The following SLX4IP variants were observed in gnomAD, a reference collection of about 807,000 sequenced individuals.
SLX4IP encodes the protein protein SLX4IP.
A neutral mutation model predicts 32.9 loss-of-function variants in SLX4IP; 34 were observed. The ratio of observed to expected loss-of-function variants is 1.03; its 90% CI spans 0.79 to 1.38. The LOEUF (loss-of-function observed/expected upper bound fraction) is 1.38, where lower values mean the gene tolerates loss of function less well. SLX4IP is among the 40% of genes most tolerant of loss of function. SLX4IP has a pLI of 0.00. For synonymous variants in SLX4IP, 172 were observed against 171.7 expected, an observed-to-expected ratio of 1.00 and a Z score of -0.01; for missense variants, 444 against 479.0, an observed-to-expected ratio of 0.93 and a Z score of 0.68.
chr20:10,462,707 C>T (rs1820460855), intron 2 of SLX4IP, among the ~76,000 whole-genome samples: 1 of 152,116 alleles, frequency 6.6e-6, no homozygotes, highest in South Asian at 2.1e-4. Flanking sequence ...GATATGGGAT[C>T]CAGGAAATAG....
chr20:10,495,967 A>G (rs1231486386), intron 2 of SLX4IP, among the ~76,000 whole-genome samples: 3 of 150,190 alleles, frequency 2.0e-5, no homozygotes, highest in Non-Finnish European at 4.4e-5. Flanking sequence ...TTGCTTTTTC[A>G]GCCCTTTTTG....
intron 2 of SLX4IP, among the ~76,000 whole-genome samples, chr20:10,497,267 T>A (rs918137853): frequency 6.6e-6 from 1 of 152,186 alleles, no homozygotes; most frequent in African/African-American, 2.4e-5. Context: ...AAATTTTAGG[T>A]CAACAGATAT....
chr20:10,492,455 A>C (rs2065631933), intron 2 of SLX4IP, among the ~76,000 whole-genome samples: 1 of 151,868 alleles, frequency 6.6e-6, no homozygotes, highest in Admixed American at 6.6e-5. Flanking sequence ...CTTACTGTTT[A>C]TTTTTATTTC....
At chr20:10,495,672 A>G (rs2065661002) in intron 2 of SLX4IP, among the ~76,000 whole-genome samples, 1 of 152,162 alleles carries the variant, frequency 6.6e-6, no homozygotes, top group Admixed American at 6.5e-5. Flanking sequence ...GTTCATGATT[A>G]TTCTATCATC....
intron 4 of SLX4IP, among the ~76,000 whole-genome samples, chr20:10,598,164 G>A (rs1972287579): frequency 6.6e-6 from 1 of 152,064 alleles, no homozygotes; most frequent in African/African-American, 2.4e-5. Flanking sequence ...CAGGGACTAG[G>A]GACTATGCCA....
chr20:10,558,501 C>A (rs781612283), intron 3 of SLX4IP, among the ~76,000 whole-genome samples: 6 of 152,198 alleles, frequency 3.9e-5, no homozygotes, highest in Non-Finnish European at 8.8e-5. Context: ...TAGATCCTCT[C>A]ATGATTGGGA....
intron 2 of SLX4IP, among the ~76,000 whole-genome samples, chr20:10,474,766 CG>C (rs1568698269): frequency 6.6e-6 from 1 of 152,194 alleles, no homozygotes; most frequent in Non-Finnish European, 1.5e-5. Context: ...TCCATCTAAT[CG>C]GGGCTGCTGA....
At chr20:10,471,564 T>C (rs2065425314) in intron 2 of SLX4IP, among the ~76,000 whole-genome samples, 1 of 152,212 alleles carries the variant, frequency 6.6e-6, no homozygotes, top group Admixed American at 6.5e-5. Context: ...TACTTTGGGC[T>C]ACAGTGGCAG....
At chr20:10,495,469 G>C (rs1307633642) in intron 2 of SLX4IP, among the ~76,000 whole-genome samples, 1 of 152,044 alleles carries the variant, frequency 6.6e-6, no homozygotes, top group African/African-American at 2.4e-5. Context: ...AGAATTCGTA[G>C]TCCAGATTTA....
At chr20:10,619,217 C>CTTTTTTTTTTTTTTTTTTTTTTTTTTTTT (rs59741153) in intron 6 of SLX4IP, among the ~76,000 whole-genome samples, 4 of 126,642 alleles carry the variant, frequency 3.2e-5, no homozygotes, top group East Asian at 2.3e-4. Flanking sequence ...CTTTTTTTTT[C>CTTTTTTTTTTTTTTTTTTTTTTTTTTTTT]TTTTTTTTTT....
intron 2 of SLX4IP, among the ~76,000 whole-genome samples, chr20:10,535,366 A>T (rs1010711693): frequency 1.3e-5 from 2 of 152,092 alleles, no homozygotes; most frequent in African/African-American, 4.8e-5. Flanking sequence ...CTGTTGCCCA[A>T]GCTGGAGTGT....
intron 4 of SLX4IP, among the ~76,000 whole-genome samples, chr20:10,565,281 T>C (rs1601008685): frequency 6.6e-6 from 1 of 152,292 alleles, no homozygotes; most frequent in Non-Finnish European, 1.5e-5. Context: ...TGGGTCTGGC[T>C]CTTAAGCAGA....
At chr20:10,487,185 A>G (rs1392894900) in intron 2 of SLX4IP, among the ~76,000 whole-genome samples, 1 of 152,216 alleles carries the variant, frequency 6.6e-6, no homozygotes, top group East Asian at 1.9e-4. Flanking sequence ...AGTCCTGCTC[A>G]GCTCTTATTT....
chr20:10,558,724 G>C (rs1482082627), intron 3 of SLX4IP, among the ~76,000 whole-genome samples: 1 of 152,194 alleles, frequency 6.6e-6, no homozygotes, highest in Non-Finnish European at 1.5e-5. Context: ...CGTTAGCCTA[G>C]AGATGCCCTC....
chr20:10,508,561 C>T (rs2065778585), intron 2 of SLX4IP, among the ~76,000 whole-genome samples: 1 of 152,178 alleles, frequency 6.6e-6, no homozygotes, highest in African/African-American at 2.4e-5. Flanking sequence ...TTGTTCTTTT[C>T]AACAACAGTT....
At position 10,598,726 on chromosome 20, in the gene SLX4IP, G is replaced by A. The variant is rs771018924; in HGVS notation, c.290G>A (p.Arg97His). The A allele has an allele frequency of 5.0e-6, 8 of 1,613,952 alleles. No individual in the cohort carries two copies. In the African/African-American group the frequency reaches 5.3e-5, roughly 11 times the overall value. Residue 97 changes from arginine to histidine, a missense_variant, in exon 5 of 8, where the codon CGC becomes CAC. Arg to His is a conservative substitution (Grantham distance 29). Transcript: ENST00000334534. ...TTCCTCAAGAGAGGGATACGCCTTC[G>A]CTGCATCAGGAGCACACAGAATGCT... The part of the protein sequence containing the change: ...AYFLKRGIRL[R>H]CIRSTQNAEL...
intron 2 of SLX4IP, among the ~76,000 whole-genome samples, chr20:10,513,035 C>G (rs2065824295): frequency 6.6e-6 from 1 of 151,830 alleles, no homozygotes; most frequent in African/African-American, 2.4e-5. Flanking sequence ...TTTTCTGCAT[C>G]AGGTGACTTT....
chr20:10,582,530 G>A (rs1234656480), intron 4 of SLX4IP, among the ~76,000 whole-genome samples: 3 of 152,022 alleles, frequency 2.0e-5, no homozygotes, highest in Non-Finnish European at 4.4e-5. Flanking sequence ...ATGCTTAACG[G>A]GTTGGTAATC....
intron 3 of SLX4IP, among the ~76,000 whole-genome samples, chr20:10,557,985 C>T (rs2066285839): frequency 6.6e-6 from 1 of 152,182 alleles, no homozygotes; most frequent in Non-Finnish European, 1.5e-5. Context: ...CTGTAGCAGG[C>T]TGAGCTTGCC....
Sources: allele counts gnomAD v4.1 joint callset (sites outside exome capture counted in the v4.1 genomes callset), GRCh38; gene constraint gnomAD v4.1.1; transcripts MANE v1.5; gene names NCBI Gene and HGNC (gene_info 2026-07-23, HGNC 2026-07-21).